Variants in C8orf34 observed in about 807,000 individuals in gnomAD.
The protein encoded by C8orf34 is chromosome 8 open reading frame 34.
In C8orf34, 65 loss-of-function variants were observed where a neutral mutation model predicts 68.3. That is an observed-to-expected ratio of 0.95 (90% CI 0.78 to 1.17). C8orf34 has a LOEUF of 1.17. C8orf34 is among the 50% of genes most tolerant of loss of function. The probability of loss-of-function intolerance (pLI) is 0.00; values close to 1 mark genes in which losing one functional copy is unlikely to be tolerated. For missense variants in C8orf34, 664 were observed against 655.4 expected (o/e 1.01, Z -0.14); for synonymous variants, 244 against 241.2 (o/e 1.01, Z -0.11).
At chr8:68,375,271 A>G (rs1807743357) in intron 1 of C8orf34, among the ~76,000 whole-genome samples, 1 of 152,230 alleles carries the variant, frequency 6.6e-6, no homozygotes, top group East Asian at 1.9e-4. Context: ...CTATTTATAA[A>G]ACATTTTGTT....
intron 9 of C8orf34, among the ~76,000 whole-genome samples, chr8:68,713,361 T>C (rs1821379048): frequency 1.3e-5 from 2 of 149,940 alleles, no homozygotes; most frequent in African/African-American, 2.5e-5. Context: ...ACAAAAAAAA[T>C]ACAAAAGATA....
intron 10 of C8orf34, among the ~76,000 whole-genome samples, chr8:68,746,749 A>G (rs1430942401): frequency 6.7e-6 from 1 of 148,580 alleles, no homozygotes; most frequent in African/African-American, 2.5e-5. Context: ...TCAATAGCTT[A>G]CCAACCAAAA....
chr8:68,760,271 C>G (rs1055964762), intron 10 of C8orf34, among the ~76,000 whole-genome samples: 8 of 152,092 alleles, frequency 5.3e-5, no homozygotes, highest in Non-Finnish European at 1.0e-4. Context: ...TTCTCCAGTG[C>G]CTAGCTCTGT....
chr8:68,421,728 C>G (rs991327815), intron 1 of C8orf34, among the ~76,000 whole-genome samples: 2 of 152,126 alleles, frequency 1.3e-5, no homozygotes, highest in African/African-American at 4.8e-5. Flanking sequence ...TCTGCAGTGG[C>G]AACAGAAGCA....
chr8:68,734,631 T>G (rs543562339), intron 10 of C8orf34, among the ~76,000 whole-genome samples: 3 of 152,316 alleles, frequency 2.0e-5, no homozygotes, highest in African/African-American at 7.2e-5. Context: ...TAGAAACCTC[T>G]TCCTACAGGA....
intron 8 of C8orf34, among the ~76,000 whole-genome samples, chr8:68,643,383 C>T (rs955376556): frequency 6.6e-6 from 1 of 152,126 alleles, no homozygotes; most frequent in Non-Finnish European, 1.5e-5. Context: ...TGGGGAATGT[C>T]TGGTTGTATT....
intron 5 of C8orf34, among the ~76,000 whole-genome samples, chr8:68,512,963 C>T (rs1002543779): frequency 3.3e-5 from 5 of 152,072 alleles, no homozygotes; most frequent in Admixed American, 2.0e-4. Context: ...GGTTTGACTC[C>T]AGCATAATTA....
intron 3 of C8orf34, among the ~76,000 whole-genome samples, chr8:68,463,921 A>C (rs1213722454): frequency 6.6e-6 from 1 of 152,188 alleles, no homozygotes; most frequent in Non-Finnish European, 1.5e-5. Flanking sequence ...TATTCAACAT[A>C]GTGTTGGAAG....
intron 7 of C8orf34, among the ~76,000 whole-genome samples, chr8:68,617,189 C>T (rs1031839267): frequency 4.6e-5 from 7 of 152,238 alleles, no homozygotes; most frequent in East Asian, 1.9e-4. Flanking sequence ...TGTCTCTGCA[C>T]GTGAGAAGGG....
At chr8:68,472,606 A>G (rs1181926192) in intron 4 of C8orf34, among the ~76,000 whole-genome samples, 1 of 152,160 alleles carries the variant, frequency 6.6e-6, no homozygotes, top group Non-Finnish European at 1.5e-5. Flanking sequence ...TATTGCTAGT[A>G]CTACTTATTC....
chr8:68,356,119 A>G (rs1806736710), intron 1 of C8orf34, among the ~76,000 whole-genome samples: 4 of 152,126 alleles, frequency 2.6e-5, no homozygotes, highest in African/African-American at 7.2e-5. Context: ...TCTTCTAAAG[A>G]GTTGTCAAAT....
chr8:68,348,141 T>C (rs1289449667), intron 1 of C8orf34, among the ~76,000 whole-genome samples: 15 of 151,978 alleles, frequency 9.9e-5, no homozygotes, highest in African/African-American at 3.6e-4. Context: ...TTTTTGTGTA[T>C]GATGTAAGGC....
intron 7 of C8orf34, among the ~76,000 whole-genome samples, chr8:68,602,539 C>G (rs901717287): frequency 3.3e-5 from 5 of 151,952 alleles, no homozygotes; most frequent in African/African-American, 1.2e-4. Flanking sequence ...ATGAGGGTAA[C>G]CACCCCCATG....
chr8:68,417,801 A>G lies in C8orf34; in HGVS notation c.328-21698A>G, dbSNP rs991283675. On this transcript the variant is annotated intron_variant, in intron 1 of 13. Coordinates refer to ENST00000518698, the MANE Select transcript of C8orf34 (RefSeq NM_052958.4). ...GGCTCTTTTTTGGTTCCATATGAAC[A>G]TTAAAGTAGTTTTTTCCAATTCTGT... 1.3e-5 allele frequency among the ~76,000 whole-genome samples: 2 copies of G among 151,988 alleles called. 1 individual carries two copies. Among genetic ancestry groups the G allele is most frequent in the Non-Finnish European group, 2.9e-5 (2 of 67,994 alleles).
intron 4 of C8orf34, among the ~76,000 whole-genome samples, chr8:68,474,039 T>G (rs989346880): frequency 6.6e-6 from 1 of 152,164 alleles, no homozygotes; most frequent in Admixed American, 6.5e-5. Context: ...GTTCCTATGG[T>G]TCGTGATTGA....
rs578106807 is a variant in C8orf34, at chr8:68,358,922, C to T, written c.327+27583C>T. On this transcript the variant is annotated intron_variant, in intron 1 of 13. Transcript: ENST00000518698. ...TGTTGTTGGTCACTCTGGCATCAAA[C>T]GCCTGGCCTCAAGTGATCCACCCAC... Among the ~76,000 whole-genome samples the T allele has an allele frequency of 7.2e-5, 11 of 152,134 alleles. No homozygotes were observed. The South Asian group carries it at 1.7e-3, about 23-fold the overall frequency.
chr8:68,795,507 G>C (rs746876202), intron 12 of C8orf34, among the ~76,000 whole-genome samples: 8 of 152,156 alleles, frequency 5.3e-5, no homozygotes, highest in Non-Finnish European at 8.8e-5. Context: ...TGCTGCTGCT[G>C]CTGCTGTTTC....
At chr8:68,449,884 T>C (rs956382010) in intron 3 of C8orf34, among the ~76,000 whole-genome samples, 4 of 152,092 alleles carry the variant, frequency 2.6e-5, no homozygotes, top group Non-Finnish European at 5.9e-5. Context: ...ATGGAGCCAA[T>C]AGACTCTTCT....
intron 7 of C8orf34, among the ~76,000 whole-genome samples, chr8:68,592,498 T>C (rs2130445491): frequency 6.6e-6 from 1 of 152,088 alleles, no homozygotes; most frequent in East Asian, 1.9e-4. Flanking sequence ...CTTATAAGCT[T>C]TCTGAATTCT....
Sources: allele counts gnomAD v4.1 joint callset (sites outside exome capture counted in the v4.1 genomes callset), GRCh38; gene constraint gnomAD v4.1.1; transcripts MANE v1.5; gene names NCBI Gene and HGNC (gene_info 2026-07-23, HGNC 2026-07-21).